The following ANKAR variants were observed in gnomAD, a reference collection of about 807,000 sequenced individuals.
The protein encoded by ANKAR is ankyrin and armadillo repeat containing, also known as ankyrin and armadillo repeat-containing protein.
Under a neutral mutation model 146.2 loss-of-function variants are expected in ANKAR, and 136 were observed. That is an observed-to-expected ratio of 0.93 (90% CI 0.81 to 1.07). The LOEUF (loss-of-function observed/expected upper bound fraction) is 1.07. Among genes scored for constraint, ANKAR ranks in the 50% least tolerant of loss-of-function variants. ANKAR has a pLI of 0.00. For missense variants in ANKAR, 1,567 were observed against 1,679.9 expected, an observed-to-expected ratio of 0.93 and a Z score of 1.18; for synonymous variants, 500 against 575.8, an observed-to-expected ratio of 0.87 and a Z score of 1.88.
rs184492240 is a variant in ANKAR at position 189,717,589 on chromosome 2, A to C, written c.2225-1983A>C. ...TGACCCAGCAATCCCATTACTGGGT[A>C]TATACCCAAAGCATTATAAATCATG... is the stretch of plus-strand genomic sequence containing the variant. On this transcript the variant is annotated intron_variant, in intron 10 of 22. Coordinates refer to ENST00000684021, the MANE Select transcript of ANKAR (RefSeq NM_001378068.1). Among the ~76,000 whole-genome samples the C allele has an allele frequency of 6.4e-3, 970 of 152,320 alleles. 9 individuals are homozygous for C. Among genetic ancestry groups the C allele is most frequent in the African/African-American group, 0.022 (923 of 41,572 alleles).
chr2:189,704,752 A>T (rs2038684132), intron 7 of ANKAR, among the ~76,000 whole-genome samples: 1 of 150,686 alleles, frequency 6.6e-6, no homozygotes, highest in South Asian at 2.1e-4. Context: ...TAATATTTTA[A>T]ATGTTACTCA....
chr2:189,683,939 C>T (rs146873038), intron 2 of ANKAR, among the ~76,000 whole-genome samples: 7 of 152,316 alleles, frequency 4.6e-5, no homozygotes, highest in African/African-American at 1.7e-4. Flanking sequence ...CCACCAGCAA[C>T]ATCATTCTTT....
chr2:189,717,982 G>T (rs1212468293), intron 10 of ANKAR, among the ~76,000 whole-genome samples: 1 of 152,144 alleles, frequency 6.6e-6, no homozygotes, highest in South Asian at 2.1e-4. Context: ...GAAACACCTA[G>T]TGTACATGAC....
intron 9 of ANKAR, among the ~76,000 whole-genome samples, chr2:189,707,473 A>AAG (rs1328300607): frequency 9.5e-4 from 142 of 149,152 alleles, no homozygotes; most frequent in African/African-American, 3.2e-3. Context: ...AAAAAAAAAA[A>AAG]AAGGAAAGAG....
At chr2:189,715,793 T>A (rs925581256) in intron 10 of ANKAR, among the ~76,000 whole-genome samples, 80 of 152,222 alleles carry the variant, frequency 5.3e-4, no homozygotes, top group African/African-American at 1.9e-3. Flanking sequence ...CATACGCAAA[T>A]CAATAAATGT....
Position 189,711,170 on chromosome 2 carries a change from T to A in ANKAR, c.2224+17T>A. 6.4e-7 allele frequency: 1 copy of A among 1,564,002 alleles called. No homozygotes were observed. Among genetic ancestry groups the A allele is most frequent in the Non-Finnish European group, 8.8e-7 (1 of 1,138,080 alleles). On this transcript the variant is annotated intron_variant, in intron 10 of 22. Coordinates refer to ENST00000684021, the MANE Select transcript of ANKAR (RefSeq NM_001378068.1). ...TGGATGCAGGTGATGCAAACTCTAT[T>A]AATAACTTTTTATGCTATTTTATGT...
intron 17 of ANKAR, among the ~76,000 whole-genome samples, chr2:189,735,396 C>T (rs1419709410): frequency 6.6e-6 from 1 of 152,180 alleles, no homozygotes; most frequent in Non-Finnish European, 1.5e-5. Flanking sequence ...TAAAAGTCCT[C>T]CAGGGTTTCT....
At chr2:189,715,463 A>C (rs911639197) in intron 10 of ANKAR, among the ~76,000 whole-genome samples, 4 of 152,190 alleles carry the variant, frequency 2.6e-5, no homozygotes, top group Non-Finnish European at 5.9e-5. Context: ...TACCAACCAA[A>C]AGAAGTTCAG....
At chr2:189,694,879 TTTAA>T (rs2105558502) in intron 5 of ANKAR, 98 bp from the exon 6 acceptor site, 10 of 691,212 alleles carry the variant, frequency 1.4e-5, no homozygotes, top group South Asian at 7.8e-5. Context: ...CCATTTTGTA[TTTAA>T]TTGTTACAGA....
chr2:189,704,922 A>T, intron 7 of ANKAR, 101 bp from the exon 8 acceptor site: 1 of 1,108,798 alleles, frequency 9.0e-7, no homozygotes, highest in Non-Finnish European at 1.3e-6. Context: ...ATTTTATATC[A>T]TACAATACTA....
At chr2:189,714,962 AAAAAAG>A (rs1186357387) in intron 10 of ANKAR, among the ~76,000 whole-genome samples, 3 of 144,314 alleles carry the variant, frequency 2.1e-5, no homozygotes, top group East Asian at 2.0e-4. Context: ...AAAAAAAAAA[AAAAAAG>A]AGAGAGAGAG....
rs770778828 is a variant in ANKAR, at chr2:189,719,593, A to G, written c.2246A>G (p.Asn749Ser). Reference sequence around the variant, plus strand: ...ACAGGCACCATTCCTGCCTTAATCAATCTATTAAAAAGTTCCAAAATAAAA... The same window carrying G: ...ACAGGCACCATTCCTGCCTTAATCAGTCTATTAAAAAGTTCCAAAATAAAA... ...LDAGTIPALI[N>S]LLKSSKIKLQ... Residue 749 changes from asparagine to serine, a missense_variant, in exon 11 of 23, where the codon AAT (asparagine) becomes AGT (serine). Asn to Ser is a conservative substitution (Grantham distance 46). Coordinates refer to ENST00000684021, the MANE Select transcript of ANKAR (RefSeq NM_001378068.1). 7.4e-6 allele frequency: 12 copies of G among 1,611,180 alleles called. No homozygotes were observed. Among genetic ancestry groups the G allele is most frequent in the Non-Finnish European group, 9.3e-6 (11 of 1,177,986 alleles).
rs192499335 is a variant in ANKAR at position 189,734,219 on chromosome 2, G to A, written c.3423+990G>A. The stretch of plus-strand genomic sequence containing the variant: ...ATAGTTCTTCGCTGTTTTTCCTTTT[G>A]TAGTTAATAAGTATCTTAAGGTGAG... On this transcript the variant is annotated intron_variant, in intron 17 of 22. Transcript: ENST00000684021. 4.6e-5 allele frequency among the ~76,000 whole-genome samples: 7 copies of A among 152,200 alleles called. No homozygotes were observed. In the East Asian group the frequency reaches 1.4e-3, roughly 29 times the overall value.
chr2:189,748,430 C>T (rs1190478996), downstream of ANKAR, among the ~76,000 whole-genome samples: 1 of 152,004 alleles, frequency 6.6e-6, no homozygotes, highest in Non-Finnish European at 1.5e-5. Context: ...TGCTATGTTG[C>T]CCAGGCTGGT....
intron 2 of ANKAR, among the ~76,000 whole-genome samples, chr2:189,678,291 G>GT (rs1250425660): frequency 6.6e-6 from 1 of 151,890 alleles, no homozygotes; most frequent in East Asian, 1.9e-4. Flanking sequence ...GGGATTGTTT[G>GT]TTTTTTTCTT....
At chr2:189,740,749 A>G (rs2043254657) in intron 19 of ANKAR, among the ~76,000 whole-genome samples, 1 of 151,880 alleles carries the variant, frequency 6.6e-6, no homozygotes, top group Non-Finnish European at 1.5e-5. Context: ...GCTGTAGTGC[A>G]ATGGCACGAT....
At chr2:189,734,225 A>AT (rs1370193180) in intron 17 of ANKAR, among the ~76,000 whole-genome samples, 1 of 152,200 alleles carries the variant, frequency 6.6e-6, no homozygotes, top group Non-Finnish European at 1.5e-5. Context: ...TTTTGTAGTT[A>AT]ATAAGTATCT....
chr2:189,747,338 CA>C (rs5837164), downstream of ANKAR: 2 of 75,730 alleles, frequency 2.6e-5, no homozygotes, highest in African/African-American at 5.4e-5. Context: ...GACCCTGTCT[CA>C]AAAAAAAAAA....
intron 20 of ANKAR, among the ~76,000 whole-genome samples, chr2:189,742,893 CTAGAATT>C (rs1559147435): frequency 9.5e-5 from 7 of 73,676 alleles, no homozygotes; most frequent in African/African-American, 3.2e-4. Context: ...CACACACACA[CTAGAATT>C]ACCTGACACA....
Sources: gnomAD v4.1 joint callset for allele counts (sites outside exome capture counted in the v4.1 genomes callset) on GRCh38, gnomAD v4.1.1 for gene constraint, MANE v1.5 for transcripts, NCBI Gene and HGNC (gene_info 2026-07-23, HGNC 2026-07-21) for gene names.